SGCZ: variants seen among roughly 807,000 people sequenced by gnomAD.
SGCZ encodes sarcoglycan zeta.
A neutral mutation model predicts 41.3 loss-of-function variants in SGCZ; 40 were observed. That is an observed-to-expected ratio of 0.97 (90% CI 0.75 to 1.26). The LOEUF (loss-of-function observed/expected upper bound fraction) is 1.26, where lower values mean the gene tolerates loss of function less well. Among genes scored for constraint, SGCZ ranks in the 50% most tolerant of loss-of-function variants. The pLI is 0.00. For synonymous variants in SGCZ, 206 were observed against 137.5 expected (o/e 1.50, Z -3.49); for missense variants, 552 against 369.8 (o/e 1.49, Z -4.04).
chr8:14,202,317 G>C (rs2117073263), intron 4 of SGCZ, among the ~76,000 whole-genome samples: 1 of 152,220 alleles, frequency 6.6e-6, no homozygotes, highest in South Asian at 2.1e-4. Flanking sequence ...TCTTAGAGTG[G>C]AACACAGTCC....
At chr8:14,765,573 G>A (rs1800011663) in intron 1 of SGCZ, among the ~76,000 whole-genome samples, 1 of 152,112 alleles carries the variant, frequency 6.6e-6, no homozygotes, top group East Asian at 1.9e-4. Context: ...TAAGCAAACA[G>A]GATGAATATA....
intron 1 of SGCZ, among the ~76,000 whole-genome samples, chr8:14,676,018 G>A (rs761461547): frequency 2.6e-5 from 4 of 152,154 alleles, no homozygotes; most frequent in African/African-American, 7.2e-5. Context: ...TTAGGTGCAC[G>A]TATTTGAGAA....
Position 15,088,089 on chromosome 8 carries a change from T to A in SGCZ, c.39+149496A>T, listed in dbSNP as rs150906500. Among the ~76,000 whole-genome samples, 1,442 of 152,242 alleles carry A rather than the reference T, an allele frequency of 9.5e-3. 15 individuals carry two copies. Among genetic ancestry groups the A allele is most frequent in the Non-Finnish European group, 0.013 (873 of 67,976 alleles). ...AATCATACTGAATAGAAAAAGGATC[T>A]GAAAGCACAAAATTACCATTTTCTG... On this transcript the variant is annotated intron_variant, in intron 1 of 7. Coordinates refer to ENST00000382080, the MANE Select transcript of SGCZ (RefSeq NM_139167.4).
intron 1 of SGCZ, among the ~76,000 whole-genome samples, chr8:14,796,046 T>A (rs767028184): frequency 1.3e-4 from 20 of 152,224 alleles, no homozygotes; most frequent in Non-Finnish European, 2.9e-4. Flanking sequence ...GGTGTGTATG[T>A]ACCACATTTT....
intron 5 of SGCZ, among the ~76,000 whole-genome samples, chr8:14,115,926 A>C (rs1315932862): frequency 6.6e-6 from 1 of 152,032 alleles, no homozygotes; most frequent in East Asian, 1.9e-4. Flanking sequence ...GCTAGTACTC[A>C]TAAAGGGAGA....
chr8:14,623,360 A>AG lies in SGCZ; in HGVS notation c.40-68435dup, dbSNP rs1303687416. ...GTACTTGAATATTTTTGTAATTAAA[A>AG]GGAACATCTCTTTGCGTGAAGCAAA... On this transcript the variant is annotated intron_variant, in intron 1 of 7. Coordinates refer to ENST00000382080, the MANE Select transcript of SGCZ (RefSeq NM_139167.4). Among the ~76,000 whole-genome samples the AG allele has an allele frequency of 2.6e-5, 4 of 152,202 alleles. No individual in the cohort carries two copies. The East Asian group carries it at 7.7e-4, about 29-fold the overall frequency.
At position 14,085,431 on chromosome 8, in the gene SGCZ, T is replaced by G. The variant is rs536836822; in HGVS notation, c.*5012A>C. Among the ~76,000 whole-genome samples the G allele has an allele frequency of 1.8e-4, 28 of 151,854 alleles. No homozygotes were observed. Among genetic ancestry groups the G allele is most frequent in the African/African-American group, 6.7e-4 (28 of 41,512 alleles). ...ATCTTTAACCCTGTTTGGTTTTTATTTATAAATACGCAAACAAATGAGATA... is the reference window on the plus strand; with the variant it reads ...ATCTTTAACCCTGTTTGGTTTTTATGTATAAATACGCAAACAAATGAGATA... On this transcript the variant is annotated 3_prime_UTR_variant, in exon 8 of 8. Coordinates refer to ENST00000382080, the MANE Select transcript of SGCZ (RefSeq NM_139167.4).
intron 1 of SGCZ, among the ~76,000 whole-genome samples, chr8:14,775,505 A>AT (rs1800376724): frequency 6.9e-6 from 1 of 145,412 alleles, no homozygotes; most frequent in Admixed American, 6.8e-5. Context: ...GTGTGTACAC[A>AT]GGGGGGAATA....
intron 1 of SGCZ, among the ~76,000 whole-genome samples, chr8:14,878,241 A>G (rs748408920): frequency 5.9e-5 from 9 of 151,618 alleles, no homozygotes; most frequent in Non-Finnish European, 1.2e-4. Flanking sequence ...ACACATTTAA[A>G]AGACAATTCG....
intron 2 of SGCZ, among the ~76,000 whole-genome samples, chr8:14,376,039 C>G (rs767056424): frequency 2.0e-5 from 3 of 152,136 alleles, no homozygotes; most frequent in East Asian, 1.9e-4. Flanking sequence ...GAAAGCCAGG[C>G]GAGGTGGCTC....
At chr8:14,303,891 A>C (rs1182228963) in intron 3 of SGCZ, among the ~76,000 whole-genome samples, 4 of 151,900 alleles carry the variant, frequency 2.6e-5, no homozygotes, top group Admixed American at 2.6e-4. Flanking sequence ...GGCTAGGATT[A>C]TAGGCACCCG....
At chr8:14,265,871 C>T (rs559333352) in intron 3 of SGCZ, among the ~76,000 whole-genome samples, 46 of 151,070 alleles carry the variant, frequency 3.0e-4, no homozygotes, top group Admixed American at 1.6e-3. Flanking sequence ...AATAGCAGAA[C>T]TGATCAAGCA....
At chr8:15,117,001 A>G (rs1585580717) in intron 1 of SGCZ, among the ~76,000 whole-genome samples, 1 of 152,254 alleles carries the variant, frequency 6.6e-6, no homozygotes, top group African/African-American at 2.4e-5. Context: ...GAATAATAAC[A>G]GTTACATCTT....
chr8:14,983,185 CT>C (rs1171622625), intron 1 of SGCZ, among the ~76,000 whole-genome samples: 1 of 63,712 alleles, frequency 1.6e-5, no homozygotes, highest in Admixed American at 2.8e-4. Context: ...TTTTTTTTTT[CT>C]TTTTTCTTTT....
chr8:14,116,442 CG>C (rs1563135928), intron 5 of SGCZ, among the ~76,000 whole-genome samples: 1 of 152,042 alleles, frequency 6.6e-6, no homozygotes, highest in East Asian at 1.9e-4. Flanking sequence ...TCAGAATCTT[CG>C]TACACACAGC....
Position 14,461,135 on chromosome 8 carries a change from G to A in SGCZ, c.234+93597C>T, listed in dbSNP as rs1414853772. The stretch of plus-strand genomic sequence containing the variant: ...TCATCCAATCAGGTTCCTTCGCAGG[G>A]CTGCTGTCTGTAGGATTCTCTGTCA... On this transcript the variant is annotated intron_variant, in intron 2 of 7. Transcript: ENST00000382080. Among the ~76,000 whole-genome samples, 5 of 152,052 alleles carry A rather than the reference G, an allele frequency of 3.3e-5. No homozygotes were observed. In the East Asian group the frequency reaches 7.7e-4, roughly 23 times the overall value.
Position 14,401,048 on chromosome 8 carries a change from T to C in SGCZ, c.235-76844A>G, listed in dbSNP as rs903642855. On this transcript the variant is annotated intron_variant, in intron 2 of 7. Coordinates refer to ENST00000382080, the MANE Select transcript of SGCZ (RefSeq NM_139167.4). ...CACTATAAGCAGGCCAGTTTCACCC[T>C]GTACGCTGACCTCCCTGTGTAATTA... is the stretch of plus-strand genomic sequence containing the variant. 1.6e-4 allele frequency among the ~76,000 whole-genome samples: 24 copies of C among 152,278 alleles called. No homozygotes were observed. In the South Asian group the frequency reaches 5.0e-3, roughly 32 times the overall value.
At chr8:14,697,904 G>T (rs540917433) in intron 1 of SGCZ, among the ~76,000 whole-genome samples, 33 of 151,884 alleles carry the variant, frequency 2.2e-4, no homozygotes, top group African/African-American at 7.2e-4. Context: ...TCTATTGTCA[G>T]CCCTCCCTCT....
chr8:14,793,247 C>T (rs1801014966), intron 1 of SGCZ, among the ~76,000 whole-genome samples: 1 of 152,160 alleles, frequency 6.6e-6, no homozygotes, highest in Admixed American at 6.6e-5. Flanking sequence ...AAGGCTTTGC[C>T]CTTTTTTGCA....
Sources: gnomAD v4.1 joint callset for allele counts (sites outside exome capture counted in the v4.1 genomes callset) on GRCh38, gnomAD v4.1.1 for gene constraint, MANE v1.5 for transcripts, NCBI Gene and HGNC (gene_info 2026-07-23, HGNC 2026-07-21) for gene names.